Variants in PCMT1 observed in about 807,000 individuals in gnomAD.
PCMT1 encodes the protein protein-L-isoaspartate (D-aspartate) O-methyltransferase.
In PCMT1, 9 loss-of-function variants were observed where a neutral mutation model predicts 29.2. That is an observed-to-expected ratio of 0.31 (90% CI 0.19 to 0.54). The LOEUF (loss-of-function observed/expected upper bound fraction) is 0.54, where lower values mean the gene tolerates loss of function less well. PCMT1 is among the 20% of genes least tolerant of loss of function. PCMT1 has a pLI of 0.95. For missense variants in PCMT1, 184 were observed against 282.2 expected (o/e 0.65, Z 2.49); for synonymous variants, 98 against 97.5 (o/e 1.00, Z -0.03).
chr6:149,774,329 T>G (rs1405559748), intron 3 of PCMT1, among the ~76,000 whole-genome samples: 1 of 151,734 alleles, frequency 6.6e-6, no homozygotes, highest in African/African-American at 2.4e-5. Context: ...AACCTCCGCC[T>G]CCTGGGTTCA....
At chr6:149,791,850 G>A (rs942356264) in intron 4 of PCMT1, among the ~76,000 whole-genome samples, 5 of 152,084 alleles carry the variant, frequency 3.3e-5, no homozygotes, top group Admixed American at 2.0e-4. Context: ...AAATCATTTG[G>A]TTTCTGAGTT....
Sources: allele counts gnomAD v4.1 joint callset (sites outside exome capture counted in the v4.1 genomes callset), GRCh38; gene constraint gnomAD v4.1.1; transcripts MANE v1.5; gene names NCBI Gene and HGNC (gene_info 2026-07-23, HGNC 2026-07-21).